PKD2L1: variants seen among roughly 807,000 people sequenced by gnomAD.
PKD2L1 encodes the protein polycystin 2 like 1, transient receptor potential cation channel, also known as polycystin-2-like protein 1.
In PKD2L1, 77 loss-of-function variants were observed where a neutral mutation model predicts 93.0. The observed-to-expected ratio is 0.83, with a 90% CI of 0.69 to 1.00. PKD2L1 has a LOEUF of 1.00. Ranked by LOEUF, PKD2L1 falls within the 50% of genes least tolerant of loss-of-function variation. PKD2L1 has a pLI of 0.00. For synonymous variants in PKD2L1, 390 were observed against 388.0 expected, an observed-to-expected ratio of 1.01 and a Z score of -0.06; for missense variants, 977 against 990.9, an observed-to-expected ratio of 0.99 and a Z score of 0.19.
chr10:100,292,654 T>C (rs1330210611), intron 11 of PKD2L1, among the ~76,000 whole-genome samples: 3 of 152,132 alleles, frequency 2.0e-5, no homozygotes, highest in Non-Finnish European at 4.4e-5. Flanking sequence ...AGAACAAAAA[T>C]CAGAGTTTTG....
At chr10:100,294,757 G>A in intron 8 of PKD2L1, 102 bp from the exon 9 acceptor site, 6 of 1,503,340 alleles carry the variant, frequency 4.0e-6, no homozygotes, top group South Asian at 1.2e-5. Flanking sequence ...ACCCCAATCT[G>A]ATAGACACAG....
At chr10:100,320,588 C>T (rs1243348632) in intron 2 of PKD2L1, among the ~76,000 whole-genome samples, 2 of 152,180 alleles carry the variant, frequency 1.3e-5, no homozygotes, top group Non-Finnish European at 1.5e-5. Context: ...TTTCCCTTTC[C>T]TCCTTTGTCC....
At chr10:100,307,871 GA>G (rs1420221854) in intron 2 of PKD2L1, among the ~76,000 whole-genome samples, 10 of 152,162 alleles carry the variant, frequency 6.6e-5, no homozygotes. Flanking sequence ...CTTTCTGTAA[GA>G]TACAGTAAAA....
rs773107895 is a variant in PKD2L1 at position 100,295,091 on chromosome 10, C to G, written c.1389G>C (p.Met463Ile). Reference protein sequence around the residue: ...IFKYISFNKTMTQLSSTLARC... With the variant: ...IFKYISFNKTITQLSSTLARC... ...GGGCCAGCGTGGAGGAGAGCTGGGT[C>G]ATGGTTTTGTTGAAGCTGATGTACT... The change falls in exon 8 of 16, where the codon ATG (methionine) becomes ATC (isoleucine). Residue 463 changes from methionine (M) to isoleucine (I), a missense_variant. Physicochemically the swap from Met to Ile is conservative, Grantham distance 10. Coordinates refer to ENST00000318222, the MANE Select transcript of PKD2L1 (RefSeq NM_016112.3). 1.4e-5 allele frequency: 22 copies of G among 1,613,926 alleles called. No individual in the cohort carries two copies. The highest frequency in any genetic ancestry group is 1.7e-6 in the Non-Finnish European group (2 of 1,179,980).
chr10:100,290,647 C>T, intron 12 of PKD2L1, 128 bp from the exon 13 acceptor site: 1 of 634,314 alleles, frequency 1.6e-6, no homozygotes, highest in Non-Finnish European at 2.8e-6. Flanking sequence ...ATTCCCCTTC[C>T]CTCCCAGACT....
chr10:100,317,182 A>G (rs916472084), intron 2 of PKD2L1, among the ~76,000 whole-genome samples: 1 of 152,236 alleles, frequency 6.6e-6, no homozygotes, highest in Non-Finnish European at 1.5e-5. Flanking sequence ...AACAATCCCT[A>G]TACATGTAAA....
At chr10:100,327,492 C>T (rs904890735) in intron 2 of PKD2L1, among the ~76,000 whole-genome samples, 1 of 152,106 alleles carries the variant, frequency 6.6e-6, no homozygotes, top group Non-Finnish European at 1.5e-5. Context: ...CTTTCCAGCT[C>T]CATACAATGG....
chr10:100,319,166 C>T (rs1348321641), intron 2 of PKD2L1, among the ~76,000 whole-genome samples: 1 of 152,170 alleles, frequency 6.6e-6, no homozygotes, highest in Non-Finnish European at 1.5e-5. Flanking sequence ...TCAATATTTT[C>T]CTAATTTATA....
At chr10:100,310,195 G>A (rs1848902026) in intron 2 of PKD2L1, among the ~76,000 whole-genome samples, 1 of 152,120 alleles carries the variant, frequency 6.6e-6, no homozygotes, top group Admixed American at 6.6e-5. Context: ...TTAGCTGGAT[G>A]TGGTGGCACA....
chr10:100,302,942 G>A (rs1310237843), intron 2 of PKD2L1, among the ~76,000 whole-genome samples: 1 of 151,974 alleles, frequency 6.6e-6, no homozygotes, highest in Non-Finnish European at 1.5e-5. Flanking sequence ...TAGAAAATAC[G>A]TATTGAAGTA....
intron 2 of PKD2L1, among the ~76,000 whole-genome samples, chr10:100,304,278 C>T (rs1297538790): frequency 6.6e-6 from 1 of 152,178 alleles, no homozygotes; most frequent in Non-Finnish European, 1.5e-5. Context: ...ATTTTGTACT[C>T]CATCCCATGA....
chr10:100,295,799 G>GCTGAGGTAGGCAGATCAC (rs1455667658), intron 7 of PKD2L1, among the ~76,000 whole-genome samples: 1 of 150,490 alleles, frequency 6.6e-6, no homozygotes, highest in East Asian at 1.9e-4. Flanking sequence ...CCTTTGAGAG[G>GCTGAGGTAGGCAGATCAC]CTGAGGTAGG....
chr10:100,293,864 T>A (rs1258779743), intron 9 of PKD2L1, among the ~76,000 whole-genome samples: 1 of 152,166 alleles, frequency 6.6e-6, no homozygotes, highest in Non-Finnish European at 1.5e-5. Context: ...TCCAGCACTT[T>A]GGGAGGCCAA....
At position 100,297,429 on chromosome 10, in the gene PKD2L1, G is replaced by T. The variant is rs754383648; in HGVS notation, c.909C>A (p.Ile303=). The T allele has an allele frequency of 1.2e-6, 2 of 1,614,144 alleles. No individual in the cohort carries two copies. The highest frequency in any genetic ancestry group is 1.1e-5 in the South Asian group (1 of 91,076). ...WLDRGTRVVF[I]DFSVYNANIN... ...TATTGGCATTGTAGACTGAGAAGTC[G>T]ATGAACACCACTCGAGTGCCCCTGT... is the stretch of plus-strand genomic sequence containing the variant. The change falls in exon 5 of 16, where the codon ATC becomes ATA. Residue 303 remains isoleucine (I), a synonymous_variant. Coordinates refer to ENST00000318222, the MANE Select transcript of PKD2L1 (RefSeq NM_016112.3).
intron 2 of PKD2L1, among the ~76,000 whole-genome samples, chr10:100,302,692 C>CA (rs1190446696): frequency 0.063 from 7,643 of 122,272 alleles, 634 homozygotes; most frequent in African/African-American, 0.21. Flanking sequence ...ACTCTGTCCC[C>CA]CAAAAAAAAA....
At chr10:100,308,399 A>C (rs891854780) in intron 2 of PKD2L1, among the ~76,000 whole-genome samples, 1 of 151,214 alleles carries the variant, frequency 6.6e-6, no homozygotes, top group East Asian at 1.9e-4. Context: ...CAATGACACC[A>C]TCTCGGCTCA....
chr10:100,314,983 GAA>G (rs1201835279), intron 2 of PKD2L1, among the ~76,000 whole-genome samples: 32 of 15,432 alleles, frequency 2.1e-3, no homozygotes, highest in Non-Finnish European at 2.5e-3. Flanking sequence ...AGGAAGGAAG[GAA>G]GGAAGGAAGG....
chr10:100,327,208 C>T (rs969041386), intron 2 of PKD2L1, among the ~76,000 whole-genome samples: 1 of 152,142 alleles, frequency 6.6e-6, no homozygotes, highest in Non-Finnish European at 1.5e-5. Flanking sequence ...CAGTGACAGC[C>T]CCGCTGACAC....
rs143175470 is a variant in PKD2L1, at chr10:100,301,840, T to C, written c.350-2122A>G. On this transcript the variant is annotated intron_variant, in intron 2 of 15. Transcript: ENST00000318222. ...TGATTGGGGAAGTGATAAATGTCCA[T>C]GAAATCTTCACAATTTATGTTCTTC... Among the ~76,000 whole-genome samples, 532 of 152,300 alleles carry C rather than the reference T, an allele frequency of 3.5e-3. 6 individuals are homozygous for C. Among genetic ancestry groups the C allele is most frequent in the African/African-American group, 0.012 (487 of 41,580 alleles).
Sources: allele counts gnomAD v4.1 joint callset (sites outside exome capture counted in the v4.1 genomes callset), GRCh38; gene constraint gnomAD v4.1.1; transcripts MANE v1.5; gene names NCBI Gene and HGNC (gene_info 2026-07-23, HGNC 2026-07-21).